SDCCAG8: variants seen among roughly 807,000 people sequenced by gnomAD.
SDCCAG8 encodes serologically defined colon cancer antigen 8.
SDCCAG8 carries 74 observed loss-of-function variants against 101.8 expected under a neutral mutation model. That is an observed-to-expected ratio of 0.73 (90% CI 0.60 to 0.88). The LOEUF is 0.88. Among genes scored for constraint, SDCCAG8 ranks in the 40% least tolerant of loss-of-function variants. SDCCAG8 has a pLI of 0.00. For synonymous variants in SDCCAG8, 281 were observed against 292.9 expected (o/e 0.96, Z 0.41); for missense variants, 787 against 822.6 (o/e 0.96, Z 0.53).
chr1:243,458,032 C>CTGGT lies in SDCCAG8; in HGVS notation c.1986-30982_1986-30981insTGGT, dbSNP rs1403644882. 6.6e-6 allele frequency among the ~76,000 whole-genome samples: 1 copy of CTGGT among 152,238 alleles called. No individual in the cohort carries two copies. Among genetic ancestry groups the CTGGT allele is most frequent in the East Asian group, 1.9e-4 (1 of 5,196 alleles). Reference sequence around the variant, plus strand: ...TGTGCTGGTATGGATAGAGGTCCTGCAGAAACCTTCAGGACCCATCCCAAA... The same window carrying CTGGT: ...TGTGCTGGTATGGATAGAGGTCCTGCTGGTAGAAACCTTCAGGACCCATCCCAAA... On this transcript the variant is annotated intron_variant, in intron 16 of 17. Transcript: ENST00000366541. This position sits in a 1 kb window ranked among gnomAD's most constrained non-coding sequence, Gnocchi z 4.5.
intron 15 of SDCCAG8, among the ~76,000 whole-genome samples, chr1:243,423,243 A>T (rs1164574933): frequency 6.6e-6 from 1 of 152,136 alleles, no homozygotes; most frequent in East Asian, 1.9e-4. Context: ...ATTATGTAAG[A>T]CATCCTCAAT....
intron 16 of SDCCAG8, among the ~76,000 whole-genome samples, chr1:243,447,203 C>A (rs901848333): frequency 1.5e-5 from 2 of 134,362 alleles, no homozygotes; most frequent in Admixed American, 8.5e-5. Context: ...GAGCCGAGAT[C>A]GCGCCACGGC....
At chr1:243,278,829 C>T (rs1412996126) in intron 4 of SDCCAG8, among the ~76,000 whole-genome samples, 1 of 152,080 alleles carries the variant, frequency 6.6e-6, no homozygotes, top group Non-Finnish European at 1.5e-5. Context: ...AGTGCACAGG[C>T]TGGAGTGCAG....
chr1:243,461,943 A>G (rs1659203869), intron 16 of SDCCAG8, among the ~76,000 whole-genome samples: 1 of 152,182 alleles, frequency 6.6e-6, no homozygotes, highest in African/African-American at 2.4e-5. Flanking sequence ...GGGAAGGGCT[A>G]ATACCTAATA....
chr1:243,295,936 G>A (rs988563746), intron 6 of SDCCAG8, among the ~76,000 whole-genome samples: 3 of 152,072 alleles, frequency 2.0e-5, no homozygotes, highest in Middle Eastern at 3.4e-3. Flanking sequence ...TTTTCCAAGG[G>A]TTTCATTCTG....
chr1:243,324,400 A>G (rs1200744265), intron 9 of SDCCAG8, among the ~76,000 whole-genome samples: 3 of 148,644 alleles, frequency 2.0e-5, no homozygotes, highest in Admixed American at 1.4e-4. Flanking sequence ...CTATTTAACT[A>G]TGCCTACCTT....
intron 12 of SDCCAG8, among the ~76,000 whole-genome samples, chr1:243,356,372 A>G (rs2147834802): frequency 7.1e-6 from 1 of 141,194 alleles, no homozygotes; most frequent in African/African-American, 2.5e-5. Flanking sequence ...GAAAGATGCT[A>G]GAATTATCTT....
At chr1:243,412,458 A>C (rs911051332) in intron 13 of SDCCAG8, among the ~76,000 whole-genome samples, 1 of 152,210 alleles carries the variant, frequency 6.6e-6, no homozygotes, top group African/African-American at 2.4e-5. Flanking sequence ...CCGCATTCAA[A>C]ACCATCCAGG....
chr1:243,372,916 A>G (rs897414003), intron 12 of SDCCAG8, among the ~76,000 whole-genome samples: 7 of 144,370 alleles, frequency 4.8e-5, no homozygotes, highest in African/African-American at 1.0e-4. Flanking sequence ...ATCTATATCT[A>G]TATCTATATC....
rs763172123 is a variant in SDCCAG8 at position 243,256,210 on chromosome 1, A to T, written c.37A>T (p.Ile13Phe). 6 of 1,614,012 alleles carry T rather than the reference A, an allele frequency of 3.7e-6. No individual in the cohort carries two copies. In the East Asian group the frequency reaches 1.3e-4, roughly 36 times the overall value. The change falls in exon 1 of 18, where the codon ATT (isoleucine) becomes TTT (phenylalanine). Residue 13 changes from isoleucine (I) to phenylalanine (F), a missense_variant. By Grantham distance (21) the Ile-to-Phe change is conservative. Transcript: ENST00000366541. ...CCCGGAGAACTCTACCCTGGAGGAG[A>T]TTCTGGGGCAGTATCAACGGAGTCT... ...KSPENSTLEE[I>F]LGQYQRSLRE...
intron 17 of SDCCAG8, among the ~76,000 whole-genome samples, chr1:243,495,839 T>A (rs750508493): frequency 1.3e-5 from 2 of 152,146 alleles, no homozygotes; most frequent in Non-Finnish European, 2.9e-5. Context: ...TTTGGCAGCT[T>A]AATTCCGTAG....
At chr1:243,289,493 T>C (rs1376441339) in intron 5 of SDCCAG8, among the ~76,000 whole-genome samples, 2 of 152,232 alleles carry the variant, frequency 1.3e-5, no homozygotes, top group East Asian at 1.9e-4. Context: ...CCATCTCATA[T>C]AGTAATAACT....
intron 16 of SDCCAG8, among the ~76,000 whole-genome samples, chr1:243,434,785 T>G (rs1023209837): frequency 6.6e-6 from 1 of 152,100 alleles, no homozygotes; most frequent in African/African-American, 2.4e-5. Flanking sequence ...TCCCAATAAG[T>G]TGGGAGCTTT....
intron 12 of SDCCAG8, among the ~76,000 whole-genome samples, chr1:243,374,353 C>A (rs907287255): frequency 6.6e-6 from 1 of 151,822 alleles, no homozygotes; most frequent in South Asian, 2.1e-4. Flanking sequence ...CTGAAAACTG[C>A]GCACAAGGAA....
intron 16 of SDCCAG8, among the ~76,000 whole-genome samples, chr1:243,435,503 G>T (rs1425579824): frequency 2.0e-5 from 3 of 152,144 alleles, no homozygotes; most frequent in Non-Finnish European, 4.4e-5. Context: ...CTCTGTTCTG[G>T]ATTCTGGGAT....
At chr1:243,492,300 T>TA (rs1666669214) in intron 17 of SDCCAG8, among the ~76,000 whole-genome samples, 1 of 113,630 alleles carries the variant, frequency 8.8e-6, no homozygotes, top group South Asian at 3.5e-4. Context: ...CTTGGCTTTT[T>TA]TTTTTTTTTT....
chr1:243,489,183 C>A, intron 17 of SDCCAG8, 43 bp downstream of exon 17: 1 of 1,603,866 alleles, frequency 6.2e-7, no homozygotes, highest in Non-Finnish European at 8.5e-7. Flanking sequence ...CTTGGGCGGG[C>A]GTCTACAGGT....
chr1:243,330,489 A>G, intron 9 of SDCCAG8, 51 bp from the exon 10 acceptor site: 1 of 1,588,102 alleles, frequency 6.3e-7, no homozygotes, highest in East Asian at 2.2e-5. Flanking sequence ...CATTTTACCT[A>G]TATTTTTTCC....
intron 9 of SDCCAG8, among the ~76,000 whole-genome samples, chr1:243,328,245 G>A (rs2074346065): frequency 6.6e-6 from 1 of 151,558 alleles, no homozygotes; most frequent in Non-Finnish European, 1.5e-5. Flanking sequence ...TACACGCTAA[G>A]AGACATCAGT....
Sources: gnomAD v4.1 joint callset for allele counts (sites outside exome capture counted in the v4.1 genomes callset) on GRCh38, gnomAD v4.1.1 for gene constraint, Gnocchi (gnomAD v3.1) non-coding constraint, MANE v1.5 for transcripts, NCBI Gene and HGNC (gene_info 2026-07-23, HGNC 2026-07-21) for gene names.